TMEM177: variants seen among roughly 807,000 people sequenced by gnomAD.
The protein encoded by TMEM177 is transmembrane protein 177.
TMEM177 carries 4 observed loss-of-function variants against 14.2 expected under a neutral mutation model. The ratio of observed to expected loss-of-function variants is 0.28; its 90% confidence interval spans 0.14 to 0.64. The LOEUF (loss-of-function observed/expected upper bound fraction) is 0.64. TMEM177 is among the 30% of genes least tolerant of loss of function. The pLI, the probability that TMEM177 is intolerant of heterozygous loss-of-function variation, is 0.82. For missense variants in TMEM177, 344 were observed against 405.2 expected, an observed-to-expected ratio of 0.85 and a Z score of 1.30; for synonymous variants, 179 against 174.5, an observed-to-expected ratio of 1.03 and a Z score of -0.20.
At chr2:119,693,905 TC>T in the TMEM177 span, among the ~76,000 whole-genome samples, 1 of 5,844 alleles carries the variant, frequency 1.7e-4, no homozygotes. Context: ...ACACCACACA[TC>T]ACATACACAT....
the TMEM177 span, among the ~76,000 whole-genome samples, chr2:119,722,518 T>C: frequency 6.6e-6 from 1 of 152,210 alleles, no homozygotes; most frequent in Non-Finnish European, 1.5e-5. Flanking sequence ...GTTCAATACT[T>C]ACCAGCTGCG....
At chr2:119,690,602 C>T (rs571957948), downstream of TMEM177, among the ~76,000 whole-genome samples, 1 of 152,272 alleles carries the variant, frequency 6.6e-6, no homozygotes, top group South Asian at 2.1e-4. Flanking sequence ...GGAGCAGAGC[C>T]CACGTGGAGA....
chr2:119,690,950 T>C (rs1211525216), downstream of TMEM177, among the ~76,000 whole-genome samples: 1 of 152,206 alleles, frequency 6.6e-6, no homozygotes, highest in Non-Finnish European at 1.5e-5. Flanking sequence ...ACCCTCACTT[T>C]CCCAGGTCCC....
downstream of TMEM177, among the ~76,000 whole-genome samples, chr2:119,689,121 C>T (rs1689059580): frequency 2.0e-5 from 3 of 152,228 alleles, no homozygotes; most frequent in African/African-American, 7.2e-5. Flanking sequence ...CTTCTATCCC[C>T]TCCTTCTTTG....
the TMEM177 span, among the ~76,000 whole-genome samples, chr2:119,703,685 C>T: frequency 1.3e-5 from 2 of 152,294 alleles, no homozygotes; most frequent in South Asian, 4.1e-4. Context: ...CCCCGACTCC[C>T]TTCCCCTCTG....
At chr2:119,685,760 G>A (rs761676947), downstream of TMEM177, 28 of 717,542 alleles carry the variant, frequency 3.9e-5, no homozygotes, top group South Asian at 7.4e-5. Flanking sequence ...TCCAGGTATC[G>A]TTCTTAAAAC....
chr2:119,687,933 T>G (rs988695186), downstream of TMEM177, among the ~76,000 whole-genome samples: 10 of 152,232 alleles, frequency 6.6e-5, no homozygotes, highest in Admixed American at 1.3e-4. Context: ...TCATAAAAGT[T>G]TATCTTTTGA....
downstream of TMEM177, chr2:119,685,871 T>C: frequency 1.7e-6 from 1 of 584,730 alleles, no homozygotes; most frequent in South Asian, 2.3e-5. Flanking sequence ...GAAGTAACTT[T>C]TTCAGGCTCA....
downstream of TMEM177, among the ~76,000 whole-genome samples, chr2:119,685,079 C>T (rs940819963): frequency 6.6e-6 from 1 of 152,158 alleles, no homozygotes; most frequent in Non-Finnish European, 1.5e-5. Context: ...TCGCCTCTCC[C>T]CATCCCAGGT....
At chr2:119,685,591 G>C, downstream of TMEM177, 1 of 712,600 alleles carries the variant, frequency 1.4e-6, no homozygotes, top group Non-Finnish European at 2.6e-6. Context: ...TAGGTTTTTA[G>C]AGACATTTTC....
the TMEM177 span, among the ~76,000 whole-genome samples, chr2:119,692,920 C>T: frequency 2.0e-5 from 3 of 147,196 alleles, no homozygotes; most frequent in Non-Finnish European, 3.0e-5. Flanking sequence ...TGCAGTGAGC[C>T]GAGATCACGC....
downstream of TMEM177, among the ~76,000 whole-genome samples, chr2:119,683,515 C>T (rs929399473): frequency 6.6e-6 from 1 of 152,142 alleles, no homozygotes; most frequent in African/African-American, 2.4e-5. Flanking sequence ...TCCACTTTCT[C>T]ACCACTCCCA....
downstream of TMEM177, among the ~76,000 whole-genome samples, chr2:119,684,673 C>T (rs998321113): frequency 1.3e-5 from 2 of 152,214 alleles, no homozygotes; most frequent in African/African-American, 2.4e-5. Context: ...TCCTTGTATG[C>T]GGCCATTCTG....
the TMEM177 span, among the ~76,000 whole-genome samples, chr2:119,723,530 G>A: frequency 6.6e-6 from 1 of 152,182 alleles, no homozygotes; most frequent in Non-Finnish European, 1.5e-5. Context: ...AGGATCTGCT[G>A]ATCAATTAGC....
At chr2:119,712,455 C>T in the TMEM177 span, among the ~76,000 whole-genome samples, 102 of 152,106 alleles carry the variant, frequency 6.7e-4, no homozygotes, top group East Asian at 0.016. Flanking sequence ...TTTGAGTGGA[C>T]GCTAATCCAG....
the TMEM177 span, among the ~76,000 whole-genome samples, chr2:119,691,689 G>A: frequency 6.6e-6 from 1 of 152,234 alleles, no homozygotes; most frequent in Non-Finnish European, 1.5e-5. Flanking sequence ...AGGGAAGGGA[G>A]TGTGGCGTGT....
downstream of TMEM177, among the ~76,000 whole-genome samples, chr2:119,690,740 G>A (rs971543852): frequency 2.0e-5 from 3 of 152,212 alleles, no homozygotes; most frequent in Non-Finnish European, 1.5e-5. Flanking sequence ...ACCCCTTGAC[G>A]CTGGCTCGCT....
At chr2:119,695,474 G>A in the TMEM177 span, among the ~76,000 whole-genome samples, 3 of 152,136 alleles carry the variant, frequency 2.0e-5, no homozygotes, top group Admixed American at 1.3e-4. Context: ...CTTCCTTCTT[G>A]CATCCTGGGC....
chr2:119,681,558 G>T lies in TMEM177; in HGVS notation c.705G>T (p.Thr235=). The T allele has an allele frequency of 6.2e-7, 1 of 1,614,178 alleles. No homozygotes were observed. The highest frequency in any genetic ancestry group is 8.5e-7 in the Non-Finnish European group (1 of 1,180,032). Residue 235 remains threonine (T), a synonymous_variant, in exon 2 of 2, where the codon ACG becomes ACT. Coordinates refer to ENST00000272521, the MANE Select transcript of TMEM177 (RefSeq NM_030577.3). ...HAVESWLDRR[T]ASLSAAYACG... Reference sequence around the variant, plus strand: ...TGGAGTCCTGGCTGGACCGCCGCACGGCCTCCCTCTCTGCAGCCTATGCCT... The same window carrying T: ...TGGAGTCCTGGCTGGACCGCCGCACTGCCTCCCTCTCTGCAGCCTATGCCT...
Sources: gnomAD v4.1 joint callset for allele counts (sites outside exome capture counted in the v4.1 genomes callset) on GRCh38, gnomAD v4.1.1 for gene constraint, MANE v1.5 for transcripts, NCBI Gene and HGNC (gene_info 2026-07-23, HGNC 2026-07-21) for gene names.